Variants in SMIM23 observed in about 807,000 individuals in gnomAD.
SMIM23 encodes small integral membrane protein 23, also known as CTB-78H18.1.
A neutral mutation model predicts 12.8 loss-of-function variants in SMIM23; 10 were observed. The observed-to-expected ratio is 0.78, with a 90% confidence interval of 0.48 to 1.32. SMIM23 has a LOEUF of 1.32. SMIM23 is among the 40% of genes most tolerant of loss of function. The pLI is 0.00. For synonymous variants in SMIM23, 78 were observed against 80.1 expected (o/e 0.97, Z 0.14); for missense variants, 184 against 198.2 (o/e 0.93, Z 0.43).
At chr5:171,790,370 C>A in intron 2 of SMIM23, 89 bp downstream of exon 2, 1 of 1,500,594 alleles carries the variant, frequency 6.7e-7, no homozygotes, top group Non-Finnish European at 9.0e-7. Flanking sequence ...TTAAGGGGAC[C>A]TCCATAACCC....
chr5:171,781,777 T>G (rs1321677853), upstream of SMIM23, among the ~76,000 whole-genome samples: 1 of 152,230 alleles, frequency 6.6e-6, no homozygotes, highest in African/African-American at 2.4e-5. Context: ...TGAGGCCAGC[T>G]GGACTCCCTG....
the SMIM23 span, chr5:171,773,879 G>A: frequency 4.4e-6 from 2 of 456,026 alleles, no homozygotes; most frequent in Non-Finnish European, 8.8e-6. Flanking sequence ...ACATCTGTCT[G>A]CAGTCCAGAT....
At chr5:171,786,061 C>A in intron 1 of SMIM23, 85 bp downstream of exon 1, 1 of 1,118,424 alleles carries the variant, frequency 8.9e-7, no homozygotes, top group South Asian at 1.4e-5. Context: ...CCTCAAAGCC[C>A]GGAATGAATC....
chr5:171,787,428 T>C (rs535826417), intron 1 of SMIM23, among the ~76,000 whole-genome samples: 1 of 152,316 alleles, frequency 6.6e-6, no homozygotes, highest in South Asian at 2.1e-4. Context: ...GGACTCAAAC[T>C]CAATCCTAGT....
chr5:171,774,625 T>G, the SMIM23 span: 1 of 368,330 alleles, frequency 2.7e-6, no homozygotes, highest in Non-Finnish European at 5.4e-6. Flanking sequence ...CACCCTCCAA[T>G]TCCTTCACAG....
At chr5:171,776,922 C>T in the SMIM23 span, among the ~76,000 whole-genome samples, 2 of 152,160 alleles carry the variant, frequency 1.3e-5, no homozygotes, top group African/African-American at 4.8e-5. Context: ...GCCCAGGTGC[C>T]TGAGGAATTC....
In SMIM23 at chr5:171,790,287, C is replaced by G; in HGVS notation, c.157+6C>G. The G allele has an allele frequency of 6.5e-7, 1 of 1,535,990 alleles. No individual in the cohort carries two copies. The highest frequency in any genetic ancestry group is 8.7e-7 in the Non-Finnish European group (1 of 1,146,814). On this transcript the variant is annotated splice_donor_region_variant and intron_variant, in intron 2 of 3. Coordinates refer to ENST00000523047, the MANE Select transcript of SMIM23 (RefSeq NM_001289970.2). ...CTTGAGCACAGAGATATGGGGTGAG[C>G]ATTCTGGAATCTGAGAAAGAAGGAA...
chr5:171,773,595 T>C, the SMIM23 span: 1 of 337,184 alleles, frequency 3.0e-6, no homozygotes, highest in African/African-American at 2.2e-5. Flanking sequence ...AGAAAATGTT[T>C]GCCAATGATT....
chr5:171,780,531 T>C (rs994781177), upstream of SMIM23, among the ~76,000 whole-genome samples: 5 of 152,234 alleles, frequency 3.3e-5, no homozygotes, highest in African/African-American at 7.2e-5. Flanking sequence ...TGTAATTCAT[T>C]ACTTTTTTTG....
At chr5:171,777,740 T>C (rs1404871638), upstream of SMIM23, among the ~76,000 whole-genome samples, 1 of 152,192 alleles carries the variant, frequency 6.6e-6, no homozygotes, top group Non-Finnish European at 1.5e-5. Flanking sequence ...TCCATCTCAG[T>C]GCAGAATGGA....
the SMIM23 span, among the ~76,000 whole-genome samples, chr5:171,775,381 G>A: frequency 1.3e-5 from 2 of 151,686 alleles, no homozygotes; most frequent in African/African-American, 4.8e-5. Flanking sequence ...CGTGTCTCCT[G>A]GAGCAGACCT....
At chr5:171,789,547 T>C (rs927206340) in intron 1 of SMIM23, among the ~76,000 whole-genome samples, 1 of 152,240 alleles carries the variant, frequency 6.6e-6, no homozygotes, top group Non-Finnish European at 1.5e-5. Context: ...GTAAAGAGAC[T>C]GATTGTGCAA....
intron 1 of SMIM23, among the ~76,000 whole-genome samples, chr5:171,789,608 C>A (rs572437511): frequency 6.6e-6 from 1 of 152,116 alleles, no homozygotes; most frequent in Non-Finnish European, 1.5e-5. Context: ...ACACAATATA[C>A]TCATCAATAA....
At chr5:171,785,404 T>TG (rs1755796383), upstream of SMIM23, among the ~76,000 whole-genome samples, 1 of 151,684 alleles carries the variant, frequency 6.6e-6, no homozygotes, top group Non-Finnish European at 1.5e-5. Context: ...TTTTATTGTT[T>TG]TTTTTTTTTT....
At chr5:171,785,399 T>TAG (rs1208568132), upstream of SMIM23, among the ~76,000 whole-genome samples, 1 of 148,130 alleles carries the variant, frequency 6.8e-6, no homozygotes, top group Non-Finnish European at 1.5e-5. Flanking sequence ...ATAGCTTTTA[T>TAG]TGTTTTTTTT....
chr5:171,790,859 A>C lies in SMIM23; in HGVS notation c.290A>C (p.Lys97Thr). 2 of 1,536,190 alleles carry C rather than the reference A, an allele frequency of 1.3e-6. No homozygotes were observed. The highest frequency in any genetic ancestry group is 1.7e-6 in the Non-Finnish European group (2 of 1,146,930). ...ATAAAGACCATCAGGAACTGGCTGA[A>C]GGAGAAGTTGCATGTCTTCTCGGAG... ...EPIKTIRNWL[K>T]EKLHVFSEKL... The change falls in exon 4 of 4, where the codon AAG (lysine) becomes ACG (threonine). Residue 97 changes from lysine (K) to threonine (T), a missense_variant. Coordinates refer to ENST00000523047, the MANE Select transcript of SMIM23 (RefSeq NM_001289970.2).
chr5:171,776,344 C>G, the SMIM23 span, among the ~76,000 whole-genome samples: 1 of 152,144 alleles, frequency 6.6e-6, no homozygotes, highest in Non-Finnish European at 1.5e-5. Flanking sequence ...ACACAACGCG[C>G]CCGAGGCACA....
chr5:171,781,668 A>G (rs1755730322), upstream of SMIM23, among the ~76,000 whole-genome samples: 1 of 152,178 alleles, frequency 6.6e-6, no homozygotes, highest in Non-Finnish European at 1.5e-5. Context: ...TGCTTTAGTA[A>G]TAATAATAAA....
At chr5:171,775,245 T>G in the SMIM23 span, among the ~76,000 whole-genome samples, 3 of 152,232 alleles carry the variant, frequency 2.0e-5, no homozygotes, top group African/African-American at 7.2e-5. Flanking sequence ...CAAATTCAAA[T>G]GTACACAATT....
Sources: gnomAD v4.1 joint callset for allele counts (sites outside exome capture counted in the v4.1 genomes callset) on GRCh38, gnomAD v4.1.1 for gene constraint, MANE v1.5 for transcripts, NCBI Gene and HGNC (gene_info 2026-07-23, HGNC 2026-07-21) for gene names.